The following CDK8 variants were observed in gnomAD, a reference collection of about 807,000 sequenced individuals.
The protein encoded by CDK8 is cyclin-dependent kinase 8.
In CDK8, 29 loss-of-function variants were observed where a neutral mutation model predicts 71.5. The observed-to-expected ratio is 0.41, with a 90% confidence interval of 0.30 to 0.55. The LOEUF (loss-of-function observed/expected upper bound fraction) is 0.55. Among genes scored for constraint, CDK8 ranks in the 20% least tolerant of loss-of-function variants. The pLI, the probability that CDK8 is intolerant of heterozygous loss-of-function variation, is 0.37. For missense variants in CDK8, 288 were observed against 572.6 expected, an observed-to-expected ratio of 0.50 and a Z score of 5.07; for synonymous variants, 161 against 192.1, an observed-to-expected ratio of 0.84 and a Z score of 1.34.
chr13:26,352,125 T>C (rs905257699), intron 3 of CDK8, among the ~76,000 whole-genome samples: 3 of 152,024 alleles, frequency 2.0e-5, no homozygotes, highest in Non-Finnish European at 4.4e-5. Flanking sequence ...TTTTTTTTTT[T>C]CAAAAAATTA....
At chr13:26,324,578 T>C (rs1287137024) in intron 1 of CDK8, among the ~76,000 whole-genome samples, 1 of 152,170 alleles carries the variant, frequency 6.6e-6, no homozygotes, top group Non-Finnish European at 1.5e-5. Context: ...TAGAAATAAA[T>C]TAGGCAGATC....
At chr13:26,302,600 C>T (rs1873872203) in intron 1 of CDK8, among the ~76,000 whole-genome samples, 1 of 152,136 alleles carries the variant, frequency 6.6e-6, no homozygotes, top group South Asian at 2.1e-4. Flanking sequence ...ATTGTCTTAT[C>T]TTTGTCTTTT....
intron 1 of CDK8, among the ~76,000 whole-genome samples, chr13:26,265,499 C>G (rs1399218400): frequency 1.3e-5 from 2 of 152,090 alleles, no homozygotes; most frequent in Middle Eastern, 3.2e-3. Flanking sequence ...GAGGTAATAT[C>G]ACTCGTGGCT....
At chr13:26,354,035 T>A (rs187491779) in intron 4 of CDK8, among the ~76,000 whole-genome samples, 155 bp downstream of exon 4, 33 of 152,352 alleles carry the variant, frequency 2.2e-4, no homozygotes, top group Admixed American at 5.2e-4. Flanking sequence ...GTAGTGTTTT[T>A]ATATAATGCC....
At chr13:26,306,538 G>A (rs1016715897) in intron 1 of CDK8, among the ~76,000 whole-genome samples, 1 of 151,196 alleles carries the variant, frequency 6.6e-6, no homozygotes, top group Non-Finnish European at 1.5e-5. Flanking sequence ...TTTGTAAAAG[G>A]CAATGAAAAG....
At chr13:26,339,361 T>A (rs1873127614) in intron 2 of CDK8, among the ~76,000 whole-genome samples, 1 of 152,058 alleles carries the variant, frequency 6.6e-6, no homozygotes, top group Non-Finnish European at 1.5e-5. Flanking sequence ...TTGGAAAACA[T>A]CCTTTGCCAT....
chr13:26,357,484 CT>C (rs1346641929), intron 4 of CDK8, among the ~76,000 whole-genome samples: 3 of 152,176 alleles, frequency 2.0e-5, no homozygotes, highest in African/African-American at 7.2e-5. Flanking sequence ...GTTAAGTTAG[CT>C]TTGCTCCTTC....
chr13:26,380,503 A>T (rs1875169770), intron 4 of CDK8, among the ~76,000 whole-genome samples: 1 of 151,268 alleles, frequency 6.6e-6, no homozygotes, highest in African/African-American at 2.4e-5. Context: ...TGTTTTTTTG[A>T]GATAGGGTCT....
intron 1 of CDK8, among the ~76,000 whole-genome samples, chr13:26,314,014 A>C (rs951075820): frequency 6.6e-6 from 1 of 152,156 alleles, no homozygotes; most frequent in Admixed American, 6.5e-5. Context: ...AAAGGTTTAG[A>C]ATTTCTAAGC....
chr13:26,364,783 T>G (rs1874307250), intron 4 of CDK8, among the ~76,000 whole-genome samples: 1 of 152,210 alleles, frequency 6.6e-6, no homozygotes, highest in Admixed American at 6.5e-5. Context: ...TACACTTTCT[T>G]TCTTTCTAAA....
chr13:26,262,922 T>C (rs1201990623), intron 1 of CDK8, among the ~76,000 whole-genome samples: 4 of 152,240 alleles, frequency 2.6e-5, no homozygotes, highest in African/African-American at 9.6e-5. Context: ...ATAACTTTAT[T>C]GTAATCCATG....
chr13:26,273,863 C>T (rs1872446586), intron 1 of CDK8, among the ~76,000 whole-genome samples: 1 of 151,932 alleles, frequency 6.6e-6, no homozygotes, highest in African/African-American at 2.4e-5. Context: ...AAAATTTACC[C>T]TAATTTGGCC....
chr13:26,333,615 T>A (rs1362160655), intron 1 of CDK8, among the ~76,000 whole-genome samples: 1 of 152,188 alleles, frequency 6.6e-6, no homozygotes, highest in Non-Finnish European at 1.5e-5. Flanking sequence ...ACACAAACTT[T>A]GTTTTATGCA....
chr13:26,319,683 CTT>C (rs57713231), intron 1 of CDK8, among the ~76,000 whole-genome samples: 392 of 137,366 alleles, frequency 2.9e-3, no homozygotes, highest in African/African-American at 5.0e-3. Context: ...ATCCAAATGG[CTT>C]TTTTTTTTTT....
chr13:26,289,573 C>T (rs543265697), intron 1 of CDK8, among the ~76,000 whole-genome samples: 33 of 151,948 alleles, frequency 2.2e-4, no homozygotes, highest in Non-Finnish European at 4.3e-4. Context: ...TTTTTTGAGA[C>T]TGAGTCTCGC....
At chr13:26,274,601 T>C (rs961898778) in intron 1 of CDK8, among the ~76,000 whole-genome samples, 14 of 151,966 alleles carry the variant, frequency 9.2e-5, no homozygotes, top group African/African-American at 2.9e-4. Flanking sequence ...CTGGCTAATT[T>C]TTTGTATTTT....
chr13:26,296,981 AG>A (rs1873590608), intron 1 of CDK8, among the ~76,000 whole-genome samples: 1 of 152,220 alleles, frequency 6.6e-6, no homozygotes, highest in Non-Finnish European at 1.5e-5. Context: ...ACCAAGGACT[AG>A]GACCTCTAGT....
intron 2 of CDK8, among the ~76,000 whole-genome samples, chr13:26,340,027 TA>T (rs943176048): frequency 2.0e-5 from 3 of 151,988 alleles, no homozygotes; most frequent in Admixed American, 2.0e-4. Flanking sequence ...CTGTTCAGTA[TA>T]ATGATAGCTG....
chr13:26,270,405 T>TACAC (rs1181433454), intron 1 of CDK8, among the ~76,000 whole-genome samples: 1 of 143,810 alleles, frequency 7.0e-6, no homozygotes, highest in African/African-American at 2.8e-5. Context: ...AAAAAAAAAA[T>TACAC]ACACACACAC....
Sources: allele counts gnomAD v4.1 joint callset (sites outside exome capture counted in the v4.1 genomes callset), GRCh38; gene constraint gnomAD v4.1.1; transcripts MANE v1.5; gene names NCBI Gene and HGNC (gene_info 2026-07-23, HGNC 2026-07-21).